TMC7: variants seen among roughly 807,000 people sequenced by gnomAD.
TMC7 encodes the protein transmembrane channel-like protein 7.
Under a neutral mutation model 82.9 loss-of-function variants are expected in TMC7, and 54 were observed. That is an observed-to-expected ratio of 0.65 (90% confidence interval 0.52 to 0.82). The LOEUF (loss-of-function observed/expected upper bound fraction) is 0.82. Among genes scored for constraint, TMC7 ranks in the 40% least tolerant of loss-of-function variants. The pLI is 0.00. For synonymous variants in TMC7, 350 were observed against 337.9 expected, an observed-to-expected ratio of 1.04 and a Z score of -0.39; for missense variants, 820 against 901.2, an observed-to-expected ratio of 0.91 and a Z score of 1.15.
chr16:18,999,795 G>A (rs533314415), intron 1 of TMC7, among the ~76,000 whole-genome samples: 5 of 151,996 alleles, frequency 3.3e-5, no homozygotes, highest in East Asian at 1.9e-4. Context: ...ATAGAGTCTC[G>A]CCCTGTTGCC....
intron 9 of TMC7, 144 bp downstream of exon 9, chr16:19,040,590 G>C (rs940991347): frequency 2.5e-5 from 17 of 671,042 alleles, no homozygotes; most frequent in Non-Finnish European, 4.3e-5. Context: ...CAGCCCCCAT[G>C]AATGAATCAG....
At chr16:19,043,042 G>A (rs1440069597) in intron 9 of TMC7, among the ~76,000 whole-genome samples, 3 of 151,774 alleles carry the variant, frequency 2.0e-5, no homozygotes, top group Admixed American at 6.6e-5. Flanking sequence ...CACCGTGCCC[G>A]GCTACTTAAT....
chr16:19,040,329 T>C lies in TMC7; in HGVS notation c.1220T>C (p.Leu407Ser). 8 of 1,613,974 alleles carry C rather than the reference T, an allele frequency of 5.0e-6. No individual in the cohort carries two copies. The highest frequency in any genetic ancestry group is 5.9e-6 in the Non-Finnish European group (7 of 1,180,006). The change falls in exon 9 of 16, where the codon TTG becomes TCG. Residue 407 changes from leucine to serine, a missense_variant. By Grantham distance (145) the Leu-to-Ser change is moderately radical (BLOSUM62 -2). Coordinates refer to ENST00000304381, the MANE Select transcript of TMC7 (RefSeq NM_024847.4). ...KMVFGENLFILYLPSIVITLA... is the reference protein window; with the variant it reads ...KMVFGENLFISYLPSIVITLA... ...GTTTTTGGAGAGAACCTCTTCATAT[T>C]GTATCTACCGTCTATTGTGATCACG...
At chr16:19,004,603 G>A (rs1262719082) in intron 1 of TMC7, among the ~76,000 whole-genome samples, 4 of 152,110 alleles carry the variant, frequency 2.6e-5, no homozygotes, top group Non-Finnish European at 5.9e-5. Context: ...GACCTCAAGT[G>A]ATCCACCTGC....
intron 1 of TMC7, among the ~76,000 whole-genome samples, chr16:19,007,268 G>A (rs750526990): frequency 5.3e-5 from 8 of 152,124 alleles, no homozygotes; most frequent in Non-Finnish European, 1.0e-4. Flanking sequence ...ACCCTGGCCC[G>A]AGAACACAGA....
At chr16:18,992,489 G>T (rs1014491862) in intron 1 of TMC7, among the ~76,000 whole-genome samples, 1 of 152,006 alleles carries the variant, frequency 6.6e-6, no homozygotes. Flanking sequence ...TGTAGATTCC[G>T]GATATTAGCC....
chr16:19,032,996 TG>T (rs1169564767), intron 6 of TMC7, among the ~76,000 whole-genome samples: 2 of 152,142 alleles, frequency 1.3e-5, no homozygotes, highest in East Asian at 3.9e-4. Flanking sequence ...AGGGCTTGAT[TG>T]CTTTCTGGGG....
At chr16:19,061,383 A>G (rs1403336934) in intron 15 of TMC7, among the ~76,000 whole-genome samples, 1 of 152,188 alleles carries the variant, frequency 6.6e-6, no homozygotes, top group African/African-American at 2.4e-5. Flanking sequence ...TTCTGACCTC[A>G]GGTGATCCAC....
chr16:19,037,646 GT>G (rs780547535), intron 7 of TMC7, among the ~76,000 whole-genome samples: 2 of 151,826 alleles, frequency 1.3e-5, no homozygotes, highest in Non-Finnish European at 2.9e-5. Context: ...ATTCTTCTGG[GT>G]TTTCTTGTAG....
chr16:19,030,582 T>C (rs948416106), intron 6 of TMC7, among the ~76,000 whole-genome samples: 4 of 150,964 alleles, frequency 2.6e-5, no homozygotes, highest in African/African-American at 9.7e-5. Flanking sequence ...GTTCTTCTTT[T>C]TTTTTTTTTT....
chr16:19,009,414 A>C lies in TMC7; in HGVS notation c.310A>C (p.Arg104=), dbSNP rs150339314. The change falls in exon 2 of 16, where the codon AGG becomes CGG. Residue 104 remains arginine, a splice_region_variant and synonymous_variant. Transcript: ENST00000304381. ...ALNISEKRRL[R]DIQETQMKYL... ...GAACATCTCTGAGAAGCGGAGACTA[A>C]GGTTTGTTCACTAGCCACCTGGAAC... 1.9e-6 allele frequency: 3 copies of C among 1,610,160 alleles called. No homozygotes were observed. Among genetic ancestry groups the C allele is most frequent in the Non-Finnish European group, 2.5e-6 (3 of 1,176,952 alleles).
intron 1 of TMC7, among the ~76,000 whole-genome samples, chr16:19,006,050 T>C (rs1369510731): frequency 6.6e-6 from 1 of 152,228 alleles, no homozygotes; most frequent in East Asian, 1.9e-4. Context: ...GCCCTGCCCC[T>C]GCCCATCCTC....
Position 19,040,393 on chromosome 16 carries a change from C to A in TMC7, c.1284C>A (p.Ile428=). 6.2e-7 allele frequency: 1 copy of A among 1,613,792 alleles called. No homozygotes were observed. Among genetic ancestry groups the A allele is most frequent in the East Asian group, 2.2e-5 (1 of 44,880 alleles). ...NFITPMIFAK[I]IRYEDYSPGF... ...TCACCCCAATGATCTTTGCCAAGAT[C>A]ATCCGCTATGAGGATTATTCTCCAG... The change falls in exon 9 of 16, where the codon ATC becomes ATA. Residue 428 remains isoleucine, a synonymous_variant. Transcript: ENST00000304381.
At chr16:19,002,990 C>G (rs1047526475) in intron 1 of TMC7, among the ~76,000 whole-genome samples, 1 of 152,216 alleles carries the variant, frequency 6.6e-6, no homozygotes, top group Non-Finnish European at 1.5e-5. Flanking sequence ...TCTTGACACT[C>G]AAGTCTTGGG....
At chr16:19,055,116 A>G (rs1298445856) in intron 13 of TMC7, among the ~76,000 whole-genome samples, 3 of 152,076 alleles carry the variant, frequency 2.0e-5, no homozygotes, top group Admixed American at 6.6e-5. Flanking sequence ...GAACCTTTGG[A>G]TATGGGGGGC....
intron 3 of TMC7, 123 bp from the exon 4 acceptor site, chr16:19,021,505 TA>T (rs1199280800): frequency 9.4e-7 from 1 of 1,058,220 alleles, no homozygotes; most frequent in Non-Finnish European, 1.4e-6. Context: ...GAGAAAAAAA[TA>T]AAACGTTTCT....
chr16:19,013,545 TCTCA>T (rs953832934), intron 2 of TMC7, among the ~76,000 whole-genome samples: 6 of 150,952 alleles, frequency 4.0e-5, no homozygotes, highest in African/African-American at 1.5e-4. Flanking sequence ...TGAGACGGAA[TCTCA>T]CTCTGTCACC....
At chr16:19,008,102 C>A (rs112775364) in intron 1 of TMC7, among the ~76,000 whole-genome samples, 23 of 152,254 alleles carry the variant, frequency 1.5e-4, no homozygotes, top group Admixed American at 5.9e-4. Flanking sequence ...AGCTTTGCTG[C>A]ATAGGGGTAA....
In TMC7 at chr16:18,984,127, C is replaced by T; in HGVS notation, c.64C>T (p.Pro22Ser). The T allele has an allele frequency of 6.7e-7, 1 of 1,499,798 alleles. No individual in the cohort carries two copies. The highest frequency in any genetic ancestry group is 8.8e-7 in the Non-Finnish European group (1 of 1,132,346). The allele number at this position is 1,499,798 out of a possible 1,614,324, so 92.9% of individuals were successfully genotyped here. A position where few individuals can be genotyped will look rare whatever the true frequency, so the allele number is the denominator to read the frequency against. The change falls in exon 1 of 16, where the codon CCA (proline) becomes TCA (serine). Residue 22 changes from proline (P) to serine (S), a missense_variant. Pro to Ser is a moderately conservative substitution (Grantham distance 74, BLOSUM62 -1). Around this residue, in one of 2 missense-constraint regions of TMC7, gnomAD observed 650 missense variants for 669.9 expected, o/e 0.97. Transcript: ENST00000304381. ...GRPSRQPAVH[P>S]ENLSLDSSCF... The stretch of plus-strand genomic sequence containing the variant: ...GCCCAGCCGGCAGCCGGCGGTCCAT[C>T]CAGGTAGGGCGGCAGGGAGCGCGCG...
Sources: allele counts gnomAD v4.1 joint callset (sites outside exome capture counted in the v4.1 genomes callset), GRCh38; gene constraint gnomAD v4.1.1; regional missense constraint gnomAD v4.1.1; transcripts MANE v1.5; gene names NCBI Gene and HGNC (gene_info 2026-07-23, HGNC 2026-07-21).